The following DAB1 variants were observed in gnomAD, a reference collection of about 807,000 sequenced individuals.
The protein encoded by DAB1 is disabled homolog 1.
Under a neutral mutation model 64.6 loss-of-function variants are expected in DAB1, and 15 were observed. The ratio of observed to expected loss-of-function variants is 0.23; its 90% CI spans 0.16 to 0.36. The LOEUF is 0.36. DAB1 is among the 10% of genes least tolerant of loss of function. The pLI, the probability that DAB1 is intolerant of heterozygous loss-of-function variation, is 1.00. For synonymous variants in DAB1, 235 were observed against 251.9 expected (o/e 0.93, Z 0.64); for missense variants, 596 against 706.7 (o/e 0.84, Z 1.78).
At chr1:57,277,793 C>A (rs1271409839) in intron 2 of DAB1, among the ~76,000 whole-genome samples, 1 of 152,170 alleles carries the variant, frequency 6.6e-6, no homozygotes, top group Admixed American at 6.5e-5. Context: ...CAGTTTCCAA[C>A]AGTCCCGTAC....
chr1:58,318,155 A>G (rs536988672), intron 4 of DAB1, among the ~76,000 whole-genome samples: 3 of 152,320 alleles, frequency 2.0e-5, no homozygotes, highest in African/African-American at 7.2e-5. Context: ...GATTTAAGAG[A>G]TGAGGAGTTG....
chr1:57,848,170 C>T (rs1653368926), intron 1 of DAB1, among the ~76,000 whole-genome samples: 1 of 152,110 alleles, frequency 6.6e-6, no homozygotes, highest in Admixed American at 6.5e-5. Flanking sequence ...ATTGACCATC[C>T]AAAGTGATCA....
chr1:58,019,295 G>A (rs934652855), intron 5 of DAB1, among the ~76,000 whole-genome samples: 2 of 152,114 alleles, frequency 1.3e-5, no homozygotes, highest in African/African-American at 2.4e-5. Context: ...TGGAACAAAC[G>A]CTATGACTTC....
At chr1:58,110,269 C>T (rs1394511822) in intron 5 of DAB1, among the ~76,000 whole-genome samples, 1 of 152,110 alleles carries the variant, frequency 6.6e-6, no homozygotes, top group Non-Finnish European at 1.5e-5. Flanking sequence ...AAGCAAAACA[C>T]AATACTTTTT....
intron 4 of DAB1, among the ~76,000 whole-genome samples, chr1:58,188,638 C>T (rs915274415): frequency 6.6e-6 from 1 of 152,148 alleles, no homozygotes; most frequent in Non-Finnish European, 1.5e-5. Context: ...GATAAAAGAG[C>T]CTCTTTAGTG....
intron 1 of DAB1, chr1:58,534,253 G>A (rs1646481756): frequency 1.1e-6 from 1 of 871,544 alleles, no homozygotes; most frequent in South Asian, 1.3e-5. Flanking sequence ...CATTCAATTA[G>A]ATGACAAAGC....
chr1:57,899,942 T>C (rs998121822), intron 5 of DAB1, among the ~76,000 whole-genome samples: 1 of 151,566 alleles, frequency 6.6e-6, no homozygotes, highest in African/African-American at 2.4e-5. Flanking sequence ...TTTTTCTTTT[T>C]TTTTTTTATT....
intron 4 of DAB1, among the ~76,000 whole-genome samples, chr1:58,178,840 T>A (rs1165826339): frequency 6.6e-6 from 1 of 152,168 alleles, no homozygotes; most frequent in Non-Finnish European, 1.5e-5. Flanking sequence ...GGCTAGAATC[T>A]CCAGTACAGT....
At chr1:57,612,913 G>T (rs1044573576) in intron 7 of DAB1, among the ~76,000 whole-genome samples, 2 of 152,008 alleles carry the variant, frequency 1.3e-5, no homozygotes, top group African/African-American at 4.8e-5. Flanking sequence ...AACCATGAAC[G>T]GTATGTGTAC....
At chr1:57,885,970 T>C (rs1644215223), upstream of DAB1, among the ~76,000 whole-genome samples, 1 of 152,212 alleles carries the variant, frequency 6.6e-6, no homozygotes, top group Admixed American at 6.5e-5. Flanking sequence ...TCTTATTCTT[T>C]CTGCTTCTCT....
At chr1:58,517,608 C>A (rs1393635453) in intron 2 of DAB1, among the ~76,000 whole-genome samples, 1 of 152,126 alleles carries the variant, frequency 6.6e-6, no homozygotes, top group African/African-American at 2.4e-5. Flanking sequence ...ATTCATAATA[C>A]TTCAAACTTT....
At chr1:57,528,636 G>GACA (rs1558464020) in intron 7 of DAB1, among the ~76,000 whole-genome samples, 1 of 54,786 alleles carries the variant, frequency 1.8e-5, no homozygotes, top group Non-Finnish European at 3.4e-5. Flanking sequence ...AAAAGCAGCA[G>GACA]GACACACACA....
chr1:58,381,749 C>G (rs11207213), intron 3 of DAB1, among the ~76,000 whole-genome samples: 30,469 of 152,100 alleles, frequency 0.2, 3,141 homozygotes, highest in Middle Eastern at 0.3. Flanking sequence ...GGTATGTTAA[C>G]TGGGTGATAA....
rs138815170 is a variant in DAB1, at chr1:57,518,456, C to T, written n.625+131136G>A. 1.1e-4 allele frequency among the ~76,000 whole-genome samples: 16 copies of T among 152,272 alleles called. No homozygotes were observed. The East Asian group carries it at 3.1e-3, about 29-fold the overall frequency. On this transcript the variant is annotated intron_variant and non_coding_transcript_variant, in intron 7 of 20. Transcript: ENST00000485760. ...TAAATAAAATAAAATAGAAATGCCA[C>T]CTCCCCCTACATATTTCAGATACTC...
At chr1:57,473,162 G>A (rs1287982455) in intron 7 of DAB1, among the ~76,000 whole-genome samples, 1 of 152,164 alleles carries the variant, frequency 6.6e-6, no homozygotes, top group African/African-American at 2.4e-5. Context: ...ACAGACCTAG[G>A]TTCAAATCCC....
At chr1:57,187,113 AC>A (rs1198893796) in intron 2 of DAB1, among the ~76,000 whole-genome samples, 1 of 152,158 alleles carries the variant, frequency 6.6e-6, no homozygotes, top group Non-Finnish European at 1.5e-5. Context: ...ACACACACAT[AC>A]TTCAAATGAA....
intron 5 of DAB1, among the ~76,000 whole-genome samples, chr1:57,949,985 A>G (rs1645248250): frequency 6.6e-6 from 1 of 152,166 alleles, no homozygotes; most frequent in East Asian, 1.9e-4. Context: ...TGTTGTCCCA[A>G]GGTTGTTGAG....
chr1:57,054,327 G>T (rs1387531429), intron 9 of DAB1, among the ~76,000 whole-genome samples: 1 of 152,088 alleles, frequency 6.6e-6, no homozygotes, highest in East Asian at 1.9e-4. Context: ...CACTTGAGTG[G>T]CCCTGTGAAT....
intron 4 of DAB1, among the ~76,000 whole-genome samples, chr1:57,135,249 T>C (rs1657984600): frequency 6.6e-6 from 1 of 152,182 alleles, no homozygotes; most frequent in African/African-American, 2.4e-5. Flanking sequence ...TACTAAATAA[T>C]AACACTTCAT....
Sources: allele counts gnomAD v4.1 joint callset (sites outside exome capture counted in the v4.1 genomes callset), GRCh38; gene constraint gnomAD v4.1.1; transcripts MANE v1.5; gene names NCBI Gene and HGNC (gene_info 2026-07-23, HGNC 2026-07-21).